Variants in CLVS1 observed in about 807,000 individuals in gnomAD.
The protein encoded by CLVS1 is clavesin 1.
A neutral mutation model predicts 33.1 loss-of-function variants in CLVS1; 10 were observed. The ratio of observed to expected loss-of-function variants is 0.30; its 90% CI spans 0.19 to 0.51. The LOEUF is 0.51. CLVS1 is among the 20% of genes least tolerant of loss of function. The pLI, the probability that CLVS1 is intolerant of heterozygous loss-of-function variation, is 0.97. For missense variants in CLVS1, 343 were observed against 433.4 expected (o/e 0.79, Z 1.85); for synonymous variants, 163 against 166.1 (o/e 0.98, Z 0.14).
rs138809652 is a variant in CLVS1 at position 61,449,960 on chromosome 8, T to A, written c.631-4181T>A. Among the ~76,000 whole-genome samples the A allele has an allele frequency of 2.6e-5, 4 of 152,352 alleles. No homozygotes were observed. The East Asian group carries it at 7.7e-4, about 29-fold the overall frequency. On this transcript the variant is annotated intron_variant, in intron 3 of 5. Transcript: ENST00000325897. ...GGAGGAAATTAATAATCATATTTTA[T>A]GAGAAAATCTTGAAATACACTTGGG...
chr8:61,396,529 C>CTTAA (rs139907830), intron 3 of CLVS1, among the ~76,000 whole-genome samples: 3,136 of 152,224 alleles, frequency 0.021, 88 homozygotes, highest in African/African-American at 0.071. Context: ...TATTAAACAG[C>CTTAA]TTGAGATATA....
intron 2 of CLVS1, among the ~76,000 whole-genome samples, chr8:61,344,864 G>A (rs1322019650): frequency 6.6e-6 from 1 of 150,594 alleles, no homozygotes; most frequent in Non-Finnish European, 1.5e-5. Context: ...TTGAAGTTTT[G>A]CAGAAAGCAT....
chr8:61,441,805 A>G (rs1487431392), intron 3 of CLVS1, among the ~76,000 whole-genome samples: 1 of 152,184 alleles, frequency 6.6e-6, no homozygotes, highest in Non-Finnish European at 1.5e-5. Context: ...AATGAAGTAC[A>G]AACGAAGTGC....
the CLVS1 span, among the ~76,000 whole-genome samples, chr8:60,998,606 C>G: frequency 6.6e-6 from 1 of 152,168 alleles, no homozygotes; most frequent in Non-Finnish European, 1.5e-5. Context: ...TCCCCCACCC[C>G]CTGCCTCTGG....
At chr8:61,199,127 C>A (rs749021018) in intron 2 of CLVS1, among the ~76,000 whole-genome samples, 5 of 152,058 alleles carry the variant, frequency 3.3e-5, no homozygotes, top group Non-Finnish European at 4.4e-5. Flanking sequence ...ATTTTTAGTT[C>A]TTTGAGAAAT....
intron 2 of CLVS1, among the ~76,000 whole-genome samples, chr8:61,167,370 C>T (rs536194699): frequency 3.2e-4 from 48 of 151,970 alleles, no homozygotes; most frequent in African/African-American, 1.1e-3. Flanking sequence ...TTAGTAGAGA[C>T]GGGGTTTCTC....
chr8:61,478,131 G>A (rs1259072629), intron 5 of CLVS1, among the ~76,000 whole-genome samples: 2 of 152,222 alleles, frequency 1.3e-5, no homozygotes, highest in Admixed American at 6.5e-5. Context: ...GCGGTTTTGA[G>A]TGAGTTTCTT....
chr8:61,072,106 T>C (rs6989688), intron 1 of CLVS1, among the ~76,000 whole-genome samples: 2 of 152,174 alleles, frequency 1.3e-5, no homozygotes, highest in African/African-American at 4.8e-5. Flanking sequence ...CCCAGAGTGA[T>C]GGATGCTTTT....
At chr8:61,245,191 C>T (rs1255612152) in intron 2 of CLVS1, among the ~76,000 whole-genome samples, 2 of 151,954 alleles carry the variant, frequency 1.3e-5, no homozygotes, top group African/African-American at 2.4e-5. Context: ...AGTCTCCTTA[C>T]ATATTAGAGC....
chr8:61,088,955 C>G (rs1057482213), intron 1 of CLVS1, among the ~76,000 whole-genome samples: 2 of 152,076 alleles, frequency 1.3e-5, no homozygotes, highest in African/African-American at 4.8e-5. Flanking sequence ...GCGCCTGCCA[C>G]TACGCCTGGC....
chr8:61,165,008 G>C (rs1806828536), intron 2 of CLVS1, among the ~76,000 whole-genome samples: 1 of 152,178 alleles, frequency 6.6e-6, no homozygotes. Context: ...TGGAATCTTG[G>C]GCCATGCAGT....
At chr8:61,166,132 A>ATT (rs201835615) in intron 2 of CLVS1, among the ~76,000 whole-genome samples, 1 of 128,814 alleles carries the variant, frequency 7.8e-6, no homozygotes, top group Non-Finnish European at 1.7e-5. Flanking sequence ...TATTTATTTT[A>ATT]TTTTTTTTTT....
chr8:61,264,790 T>C (rs1809273488), intron 2 of CLVS1: 1 of 152,220 alleles, frequency 6.6e-6, no homozygotes, highest in Non-Finnish European at 1.5e-5. Context: ...GATGTCCACA[T>C]ACCAGCAGAG....
At position 61,106,595 on chromosome 8, in the gene CLVS1, C is replaced by T. The variant is rs73685723; in HGVS notation, c.-242-25175C>T. 4.6e-5 allele frequency among the ~76,000 whole-genome samples: 7 copies of T among 152,302 alleles called. No individual in the cohort carries two copies. The East Asian group carries it at 5.8e-4, about 13-fold the overall frequency. On this transcript the variant is annotated intron_variant, in intron 1 of 2. Transcript: ENST00000522621. ...ACAGGAGGAGTTGCTGGCACCTCCG[C>T]GCAGGCGGTGGAGGGTGCTGTGCCT...
At chr8:61,141,094 G>C (rs1354361216) in intron 2 of CLVS1, among the ~76,000 whole-genome samples, 1 of 152,134 alleles carries the variant, frequency 6.6e-6, no homozygotes, top group Non-Finnish European at 1.5e-5. Flanking sequence ...TCATCTAAAT[G>C]GGTGTAATAA....
the CLVS1 span, among the ~76,000 whole-genome samples, chr8:61,009,798 G>T: frequency 1.3e-5 from 2 of 152,176 alleles, no homozygotes; most frequent in Non-Finnish European, 2.9e-5. Context: ...GTGTTTCAAC[G>T]CTGGCTTGTG....
chr8:61,149,445 G>T (rs1298353374), intron 2 of CLVS1, among the ~76,000 whole-genome samples: 1 of 151,616 alleles, frequency 6.6e-6, no homozygotes, highest in Non-Finnish European at 1.5e-5. Context: ...CCAGCTACCT[G>T]GGAGGCTGAA....
intron 2 of CLVS1, among the ~76,000 whole-genome samples, chr8:61,172,721 T>A (rs1807029731): frequency 6.6e-6 from 1 of 152,156 alleles, no homozygotes; most frequent in Non-Finnish European, 1.5e-5. Flanking sequence ...TATTTTCACA[T>A]AAGCACAAAA....
intron 2 of CLVS1, among the ~76,000 whole-genome samples, chr8:61,337,556 G>A (rs544455936): frequency 1.2e-4 from 18 of 152,150 alleles, no homozygotes; most frequent in African/African-American, 3.9e-4. Context: ...GACACCTGCC[G>A]AGTTTGAGAG....
Sources: gnomAD v4.1 joint callset for allele counts (sites outside exome capture counted in the v4.1 genomes callset) on GRCh38, gnomAD v4.1.1 for gene constraint, MANE v1.5 for transcripts, NCBI Gene and HGNC (gene_info 2026-07-23, HGNC 2026-07-21) for gene names.